SSPN: variants seen among roughly 807,000 people sequenced by gnomAD.
SSPN encodes K-ras oncogene-associated protein.
A neutral mutation model predicts 19.1 loss-of-function variants in SSPN; 15 were observed. The observed-to-expected ratio is 0.78, with a 90% confidence interval of 0.52 to 1.21. SSPN has a LOEUF of 1.21. Ranked by LOEUF, SSPN falls within the 50% of genes most tolerant of loss-of-function variation. SSPN has a pLI of 0.00. For synonymous variants in SSPN, 147 were observed against 140.3 expected (o/e 1.05, Z -0.34); for missense variants, 291 against 314.0 (o/e 0.93, Z 0.55).
At chr12:26,222,233 A>G (rs1395121230) in intron 1 of SSPN, among the ~76,000 whole-genome samples, 1 of 152,216 alleles carries the variant, frequency 6.6e-6, no homozygotes, top group Non-Finnish European at 1.5e-5. Flanking sequence ...CCATTCAATG[A>G]TGGAAAACCC....
rs7134279 is a variant in SSPN, at chr12:26,177,276, T to G, written c.-30-47017T>G. Reference sequence around the variant, plus strand: ...CTGAGGATTACTGAATACCAGAATTTCACTTTTAAGTGTTGTGTTATTCCA... The same window carrying G: ...CTGAGGATTACTGAATACCAGAATTGCACTTTTAAGTGTTGTGTTATTCCA... On this transcript the variant is annotated intron_variant, in intron 1 of 2. Coordinates refer to the SSPN transcript ENST00000538142. Among the ~76,000 whole-genome samples the G allele has an allele frequency of 2.1e-3, 318 of 152,344 alleles. 2 individuals carry two copies. Among genetic ancestry groups the G allele is most frequent in the African/African-American group, 7.2e-3 (299 of 41,588 alleles).
intron 1 of SSPN, among the ~76,000 whole-genome samples, chr12:26,186,535 A>G (rs929392296): frequency 1.3e-5 from 2 of 152,224 alleles, no homozygotes; most frequent in African/African-American, 4.8e-5. Context: ...CAAGTTGACA[A>G]AAACATTCTG....
Position 26,122,565 on chromosome 12 carries a change from C to A in SSPN, c.-31+413C>A. The A allele has an allele frequency of 8.0e-6, 9 of 1,129,132 alleles. No individual in the cohort carries two copies. The highest frequency in any genetic ancestry group is 4.8e-5 in the Admixed American group (1 of 20,772). 69.9% of individuals were successfully genotyped at this position (1,129,132 alleles called of 1,614,324 possible). ...CGAGCTGAGCAGGGCGGCGTCGGGTCTCAGCAGCGCGGCCGCGGCGGCAGG... is the reference window on the plus strand; with the variant it reads ...CGAGCTGAGCAGGGCGGCGTCGGGTATCAGCAGCGCGGCCGCGGCGGCAGG... On this transcript the variant is annotated intron_variant, in intron 1 of 2. Coordinates refer to the SSPN transcript ENST00000538142.
At chr12:26,178,474 T>C (rs1319615079) in intron 1 of SSPN, among the ~76,000 whole-genome samples, 1 of 152,100 alleles carries the variant, frequency 6.6e-6, no homozygotes, top group Non-Finnish European at 1.5e-5. Context: ...GGGTTGTAGA[T>C]GACTGGTTGT....
At chr12:26,178,777 C>T (rs1465259606) in intron 1 of SSPN, among the ~76,000 whole-genome samples, 1 of 152,192 alleles carries the variant, frequency 6.6e-6, no homozygotes, top group Non-Finnish European at 1.5e-5. Flanking sequence ...TCTGTTCCCC[C>T]AGCAAGAGCA....
intron 1 of SSPN, among the ~76,000 whole-genome samples, chr12:26,171,110 G>T (rs554123645): frequency 6.6e-6 from 1 of 152,196 alleles, no homozygotes; most frequent in African/African-American, 2.4e-5. Context: ...ATTTTGGGAT[G>T]ATGCTGTGGG....
At chr12:26,208,241 A>C (rs1230070196) in intron 1 of SSPN, among the ~76,000 whole-genome samples, 1 of 152,184 alleles carries the variant, frequency 6.6e-6, no homozygotes, top group Non-Finnish European at 1.5e-5. Context: ...CACTACCACA[A>C]ATCCAAATTG....
chr12:26,170,236 G>A (rs73084774), intron 1 of SSPN, among the ~76,000 whole-genome samples: 20,234 of 152,210 alleles, frequency 0.13, 1,386 homozygotes, highest in Middle Eastern at 0.19. Flanking sequence ...TGTATACAAT[G>A]TGAGTGAATA....
At chr12:26,170,432 C>T (rs1205065956) in intron 1 of SSPN, among the ~76,000 whole-genome samples, 1 of 152,114 alleles carries the variant, frequency 6.6e-6, no homozygotes, top group Non-Finnish European at 1.5e-5. Context: ...AGAACATCTT[C>T]CTCCAATGAT....
chr12:26,186,926 C>G (rs1430349178), intron 1 of SSPN, among the ~76,000 whole-genome samples: 1 of 152,212 alleles, frequency 6.6e-6, no homozygotes, highest in Non-Finnish European at 1.5e-5. Context: ...AAGCCTCTCT[C>G]TCTCTTTCTT....
chr12:26,224,169 G>C (rs1049754477), intron 1 of SSPN, 124 bp from the exon 2 acceptor site: 22 of 691,274 alleles, frequency 3.2e-5, no homozygotes, highest in Non-Finnish European at 4.9e-5. Context: ...AGTACATAAA[G>C]ATAAGTAAAA....
chr12:26,173,541 T>C (rs929115446), intron 1 of SSPN, among the ~76,000 whole-genome samples: 2 of 152,214 alleles, frequency 1.3e-5, no homozygotes, highest in African/African-American at 4.8e-5. Flanking sequence ...TATGCTGATA[T>C]CTTCTTTGCT....
intron 1 of SSPN, among the ~76,000 whole-genome samples, chr12:26,159,008 T>C (rs1323173597): frequency 6.6e-6 from 1 of 152,234 alleles, no homozygotes; most frequent in South Asian, 2.1e-4. Context: ...TTTGCCCTGT[T>C]GCTTTTCATT....
intron 1 of SSPN, among the ~76,000 whole-genome samples, chr12:26,153,747 T>C (rs1282113007): frequency 2.6e-5 from 4 of 152,248 alleles, no homozygotes; most frequent in African/African-American, 7.2e-5. Context: ...CCACGAATTC[T>C]GGGTTCTGGT....
At chr12:26,215,508 G>C (rs994974036) in intron 1 of SSPN, among the ~76,000 whole-genome samples, 1 of 152,216 alleles carries the variant, frequency 6.6e-6, no homozygotes, top group South Asian at 2.1e-4. Flanking sequence ...CTGATTGCAT[G>C]CATCTCTTCA....
intron 1 of SSPN, chr12:26,123,530 C>A: frequency 1.1e-6 from 1 of 873,254 alleles, no homozygotes; most frequent in Non-Finnish European, 2.0e-6. Flanking sequence ...CCCATGAGCC[C>A]ACGGAAAGAG....
intron 1 of SSPN, among the ~76,000 whole-genome samples, chr12:26,203,432 A>G (rs1565686183): frequency 1.3e-5 from 2 of 150,760 alleles, no homozygotes; most frequent in Non-Finnish European, 2.9e-5. Context: ...TCATAAGCTT[A>G]CAGTGAACTT....
At chr12:26,140,159 A>T (rs1295542129) in intron 1 of SSPN, among the ~76,000 whole-genome samples, 1 of 152,204 alleles carries the variant, frequency 6.6e-6, no homozygotes, top group African/African-American at 2.4e-5. Context: ...CATGAAATAT[A>T]GTTGTTTTTA....
intron 1 of SSPN, among the ~76,000 whole-genome samples, chr12:26,198,907 C>T (rs890852273): frequency 1.5e-4 from 23 of 152,188 alleles, no homozygotes; most frequent in Admixed American, 1.2e-3. Flanking sequence ...CCCACCAAAC[C>T]GAAGCAATCC....
Sources: allele counts gnomAD v4.1 joint callset (sites outside exome capture counted in the v4.1 genomes callset), GRCh38; gene constraint gnomAD v4.1.1; transcripts MANE v1.5; gene names NCBI Gene and HGNC (gene_info 2026-07-23, HGNC 2026-07-21).